SDE2: variants seen among roughly 807,000 people sequenced by gnomAD.
SDE2 encodes the protein splicing regulator SDE2.
A neutral mutation model predicts 46.9 loss-of-function variants in SDE2; 31 were observed. The ratio of observed to expected loss-of-function variants is 0.66; its 90% CI spans 0.50 to 0.89. The LOEUF (loss-of-function observed/expected upper bound fraction) is 0.89, where lower values mean the gene tolerates loss of function less well. Among genes scored for constraint, SDE2 ranks in the 40% least tolerant of loss-of-function variants. The pLI is 0.00. For synonymous variants in SDE2, 205 were observed against 204.3 expected, an observed-to-expected ratio of 1.00 and a Z score of -0.03; for missense variants, 542 against 564.4, an observed-to-expected ratio of 0.96 and a Z score of 0.40.
At chr1:225,994,733 C>G (rs1258568417) in intron 2 of SDE2, among the ~76,000 whole-genome samples, 1 of 152,190 alleles carries the variant, frequency 6.6e-6, no homozygotes, top group African/African-American at 2.4e-5. Context: ...ATGGCCATCT[C>G]TCTTCATCTA....
intron 2 of SDE2, among the ~76,000 whole-genome samples, chr1:225,994,342 C>T (rs1037540127): frequency 6.6e-6 from 1 of 152,088 alleles, no homozygotes; most frequent in Admixed American, 6.6e-5. Flanking sequence ...TCCCAAAGTG[C>T]TGGGATTACA....
intron 5 of SDE2, among the ~76,000 whole-genome samples, chr1:225,989,097 GA>G (rs1232228944): frequency 3.3e-5 from 5 of 150,928 alleles, no homozygotes; most frequent in Non-Finnish European, 7.4e-5. Flanking sequence ...AGGAGTTCAA[GA>G]TCAGCCTGGC....
At chr1:225,992,248 AGGAT>A in intron 4 of SDE2, 146 bp downstream of exon 4, 1 of 552,100 alleles carries the variant, frequency 1.8e-6, no homozygotes, top group Non-Finnish European at 3.2e-6. Flanking sequence ...TTCATTTTTG[AGGAT>A]AAAAGTGCCA....
At position 225,988,138 on chromosome 1, in the gene SDE2, A is replaced by G. The variant is rs1656310787; in HGVS notation, c.892T>C (p.Cys298Arg). 5.0e-6 allele frequency: 8 copies of G among 1,614,056 alleles called. No homozygotes were observed. Among genetic ancestry groups the G allele is most frequent in the Middle Eastern group, 1.6e-4 (1 of 6,062 alleles). ...TCTTTGGACTCCCCCAGCTCAGCAC[A>G]TGAGTCTTCTAAAATATGCCTCCCA... The part of the protein sequence containing the change: ...DSGRHILEDS[C>R]AELGESKEHM... The change falls in exon 6 of 7, where the codon TGT (cysteine) becomes CGT (arginine). Residue 298 changes from cysteine to arginine, a missense_variant. This residue lies in a region of SDE2 where 401 missense variants were observed against 437.8 expected (regional missense o/e 0.92). Coordinates refer to ENST00000272091, the MANE Select transcript of SDE2 (RefSeq NM_152608.4).
chr1:225,985,342 G>C lies in SDE2; in HGVS notation c.1316C>G (p.Pro439Arg). 6.2e-7 allele frequency: 1 copy of C among 1,614,164 alleles called. No homozygotes were observed. The highest frequency in any genetic ancestry group is 8.5e-7 in the Non-Finnish European group (1 of 1,180,024). Residue 439 changes from proline (P) to arginine (R), a missense_variant, in exon 7 of 7, where the codon CCG becomes CGG. By Grantham distance (103) the Pro-to-Arg change is moderately radical. Coordinates refer to ENST00000272091, the MANE Select transcript of SDE2 (RefSeq NM_152608.4). ...VRGLAKEQID[P>R]ALFAKPLKGK... is the part of the protein sequence containing the mutation. ...TTTCAAAGGCTTGGCAAATAAAGCC[G>C]GGTCAATTTGCTCCTTTGCCAGTCC...
At chr1:225,985,880 G>C (rs1656258044) in intron 6 of SDE2, among the ~76,000 whole-genome samples, 1 of 152,102 alleles carries the variant, frequency 6.6e-6, no homozygotes, top group South Asian at 2.1e-4. Flanking sequence ...ACTCCTAAAA[G>C]CTTAATGAGA....
At chr1:225,987,760 C>A in intron 6 of SDE2, 136 bp downstream of exon 6, 3 of 863,170 alleles carry the variant, frequency 3.5e-6, no homozygotes, top group Non-Finnish European at 5.4e-6. Context: ...GCAAGCTTCA[C>A]CATAATCTGT....
intron 5 of SDE2, among the ~76,000 whole-genome samples, chr1:225,990,892 T>C (rs1656383429): frequency 1.1e-5 from 1 of 87,676 alleles, no homozygotes. Context: ...ACCTCAATGA[T>C]GACTGTGAAA....
At position 225,992,402 on chromosome 1, in the gene SDE2, G is replaced by A. The variant is rs1381089494; in HGVS notation, c.516C>T (p.Leu172=). 6.2e-7 allele frequency: 1 copy of A among 1,612,902 alleles called. No individual in the cohort carries two copies. The highest frequency in any genetic ancestry group is 8.5e-7 in the Non-Finnish European group (1 of 1,179,586). ...EMAERLEDSV[L]KGMQAASSKM... is the part of the protein sequence containing the mutation. The stretch of plus-strand genomic sequence containing the variant: ...CTAAGGAATCCTCATTCTCACCTTT[G>A]AGGACGGAATCCTCCAGACGCTCAG... The change falls in exon 4 of 7, where the codon CTC becomes CTT. Residue 172 remains leucine (L), a synonymous_variant. Coordinates refer to ENST00000272091, the MANE Select transcript of SDE2 (RefSeq NM_152608.4).
At position 225,985,531 on chromosome 1, in the gene SDE2, A is replaced by G. The variant is rs779900461; in HGVS notation, c.1135-8T>C. ...AGTTTCCTTATCAATAACCTGAGGG[A>G]AAAAAATAAGAAAATATTTAAAACA... On this transcript the variant is annotated splice_polypyrimidine_tract_variant and splice_region_variant and intron_variant, in intron 6 of 6. Transcript: ENST00000272091. The G allele has an allele frequency of 1.3e-6, 2 of 1,552,446 alleles. No homozygotes were observed. The highest frequency in any genetic ancestry group is 1.7e-5 in the Admixed American group (1 of 59,314).
intron 1 of SDE2, among the ~76,000 whole-genome samples, 182 bp downstream of exon 1, chr1:225,999,011 A>T (rs532530649): frequency 6.6e-6 from 1 of 152,096 alleles, no homozygotes; most frequent in African/African-American, 2.4e-5. Context: ...ACCACCACAA[A>T]AGAAAAGCAA....
rs1558084090 is a variant in SDE2, at chr1:225,989,770, ACAC to A, written c.642-1385_642-1383del. 2.0e-5 allele frequency among the ~76,000 whole-genome samples: 3 copies of A among 152,160 alleles called. No individual in the cohort carries two copies. In the East Asian group the frequency reaches 5.8e-4, roughly 29 times the overall value. On this transcript the variant is annotated intron_variant, in intron 5 of 6. Coordinates refer to ENST00000272091, the MANE Select transcript of SDE2 (RefSeq NM_152608.4). ...ATAATAAATATTAATACACACACAC[ACAC>A]ATTTATAAATCCTATGCTTGGGCTG... is the stretch of plus-strand genomic sequence containing the variant.
At chr1:225,992,782 G>A (rs1222202833) in intron 3 of SDE2, 109 bp downstream of exon 3, 1 of 703,708 alleles carries the variant, frequency 1.4e-6, no homozygotes. Flanking sequence ...AAATTTGGAT[G>A]TAAATATTTT....
At chr1:225,989,126 G>A (rs528177701) in intron 5 of SDE2, among the ~76,000 whole-genome samples, 28 of 149,530 alleles carry the variant, frequency 1.9e-4, no homozygotes, top group African/African-American at 5.2e-4. Flanking sequence ...GTGAAATCCC[G>A]TCTCTACTAA....
At chr1:225,991,208 C>A (rs1229550002) in intron 5 of SDE2, 35 bp downstream of exon 5, 1 of 1,603,480 alleles carries the variant, frequency 6.2e-7, no homozygotes, top group Admixed American at 1.7e-5. Context: ...AGTCAGTCCT[C>A]AAAGATCAAT....
intron 1 of SDE2, 54 bp from the exon 2 acceptor site, chr1:225,995,437 G>T: frequency 1.1e-6 from 1 of 899,890 alleles, no homozygotes; most frequent in Non-Finnish European, 1.9e-6. Flanking sequence ...ATCTAAGTTT[G>T]TTACAAGAAG....
rs1000976718 is a variant in SDE2 at position 225,983,471 on chromosome 1, T to C, written c.*1831A>G. The stretch of plus-strand genomic sequence containing the variant: ...ATAAACAAAAGGATCAGTAAAGACA[T>C]AGAAGATCTGAACAATACTATCAAC... On this transcript the variant is annotated 3_prime_UTR_variant, in exon 7 of 7. Coordinates refer to ENST00000272091, the MANE Select transcript of SDE2 (RefSeq NM_152608.4). 1.9e-4 allele frequency: 29 copies of C among 152,222 alleles called. No individual in the cohort carries two copies. The highest frequency in any genetic ancestry group is 6.8e-4 in the African/African-American group (28 of 41,462). 9.4% of individuals were successfully genotyped at this position (152,222 alleles called of 1,614,324 possible).
At position 225,995,397 on chromosome 1, in the gene SDE2, TG is replaced by T; in HGVS notation, c.121-15del. On this transcript the variant is annotated splice_polypyrimidine_tract_variant and intron_variant, in intron 1 of 6. Coordinates refer to ENST00000272091, the MANE Select transcript of SDE2 (RefSeq NM_152608.4). ...CACTGGAACATTCTAGAGACAAATTTGTTTTTTTAATGCCTTTTATGAGATA... is the reference window on the plus strand; with the variant it reads ...CACTGGAACATTCTAGAGACAAATTTTTTTTTTAATGCCTTTTATGAGATA... 1 of 1,464,886 alleles carries T rather than the reference TG, an allele frequency of 6.8e-7. No individual in the cohort carries two copies. 90.7% of individuals were successfully genotyped at this position (1,464,886 alleles called of 1,614,324 possible).
At chr1:225,997,591 G>A (rs1464712141) in intron 1 of SDE2, among the ~76,000 whole-genome samples, 1 of 151,900 alleles carries the variant, frequency 6.6e-6, no homozygotes, top group African/African-American at 2.4e-5. Flanking sequence ...CGCCACGCCT[G>A]GCTAATTTTT....
Sources: allele counts gnomAD v4.1 joint callset (sites outside exome capture counted in the v4.1 genomes callset), GRCh38; gene constraint gnomAD v4.1.1; regional missense constraint gnomAD v4.1.1; transcripts MANE v1.5; gene names NCBI Gene and HGNC (gene_info 2026-07-23, HGNC 2026-07-21).